MAST2: variants seen among roughly 807,000 people sequenced by gnomAD.
The protein encoded by MAST2 is microtubule-associated serine/threonine-protein kinase 2.
A neutral mutation model predicts 147.4 loss-of-function variants in MAST2; 70 were observed. The ratio of observed to expected loss-of-function variants is 0.47; its 90% CI spans 0.39 to 0.58. The LOEUF is 0.58. MAST2 is among the 20% of genes least tolerant of loss of function. MAST2 has a pLI of 0.00. For synonymous variants in MAST2, 869 were observed against 896.8 expected (o/e 0.97, Z 0.55); for missense variants, 2,080 against 2,302.3 (o/e 0.90, Z 1.98).
At chr1:45,930,361 G>A (rs2148706304) in intron 4 of MAST2, among the ~76,000 whole-genome samples, 1 of 151,412 alleles carries the variant, frequency 6.6e-6, no homozygotes, top group Admixed American at 6.6e-5. Flanking sequence ...TTACAGATGT[G>A]AGCCACCGCG....
chr1:46,029,367 CT>C (rs1646544345), intron 18 of MAST2, 98 bp from the exon 19 acceptor site: 5 of 979,318 alleles, frequency 5.1e-6, no homozygotes, highest in Non-Finnish European at 6.1e-6. Flanking sequence ...AGGCTGGGTC[CT>C]TTTTGCCTCC....
intron 4 of MAST2, among the ~76,000 whole-genome samples, chr1:45,946,954 C>CA (rs1388325668): frequency 6.6e-6 from 1 of 152,098 alleles, no homozygotes; most frequent in Admixed American, 6.6e-5. Context: ...GAAGTTAGGC[C>CA]ACATAAAATG....
At chr1:45,804,504 A>G (rs1279714123) in intron 1 of MAST2, among the ~76,000 whole-genome samples, 1 of 152,192 alleles carries the variant, frequency 6.6e-6, no homozygotes, top group African/African-American at 2.4e-5. Context: ...ACTCCCAAGC[A>G]TTCTCTGATT....
intron 3 of MAST2, among the ~76,000 whole-genome samples, chr1:45,850,126 T>C (rs1453295249): frequency 3.9e-5 from 6 of 152,196 alleles, no homozygotes; most frequent in African/African-American, 7.2e-5. Context: ...TTTTTTTGCT[T>C]TTTGATAATA....
At chr1:45,899,731 C>A (rs1360167421) in intron 4 of MAST2, among the ~76,000 whole-genome samples, 2 of 151,862 alleles carry the variant, frequency 1.3e-5, no homozygotes, top group African/African-American at 4.8e-5. Context: ...AGGTTGATTT[C>A]ATGAATTTGT....
At chr1:45,891,662 T>C (rs1427794566) in intron 4 of MAST2, among the ~76,000 whole-genome samples, 1 of 152,194 alleles carries the variant, frequency 6.6e-6, no homozygotes, top group African/African-American at 2.4e-5. Flanking sequence ...TTCCAATTTT[T>C]TTTTTTATAA....
intron 4 of MAST2, chr1:45,917,453 T>C (rs1490021304): frequency 7.3e-7 from 1 of 1,366,622 alleles, no homozygotes; most frequent in South Asian, 1.1e-5. Context: ...CTTTGGCTAC[T>C]TCTCCTCTTG....
At chr1:45,933,802 A>G (rs1413137506) in intron 4 of MAST2, among the ~76,000 whole-genome samples, 1 of 151,932 alleles carries the variant, frequency 6.6e-6, no homozygotes, top group African/African-American at 2.4e-5. Flanking sequence ...TACCCTTGAT[A>G]TATTTACTTA....
intron 4 of MAST2, among the ~76,000 whole-genome samples, chr1:45,934,029 G>A (rs971119568): frequency 6.6e-6 from 1 of 151,920 alleles, no homozygotes; most frequent in Non-Finnish European, 1.5e-5. Context: ...TGTAATGAAC[G>A]TAGTGCCCAA....
intron 5 of MAST2, among the ~76,000 whole-genome samples, chr1:45,987,777 A>ATT: frequency 0.019 from 422 of 21,740 alleles, 13 homozygotes; most frequent in African/African-American, 0.043. Context: ...TTTTTTTTTG[A>ATT]TTTTTTTTTT....
intron 5 of MAST2, among the ~76,000 whole-genome samples, chr1:45,986,360 A>C (rs143475018): frequency 2.0e-5 from 3 of 152,322 alleles, no homozygotes; most frequent in African/African-American, 7.2e-5. Context: ...AGCCAACTAG[A>C]ATTCCTGAGA....
At chr1:45,856,746 A>G (rs780924875) in intron 3 of MAST2, among the ~76,000 whole-genome samples, 1 of 152,022 alleles carries the variant, frequency 6.6e-6, no homozygotes, top group Non-Finnish European at 1.5e-5. Flanking sequence ...TCATGGAACC[A>G]TGTTTTGTAT....
intron 2 of MAST2, among the ~76,000 whole-genome samples, chr1:45,825,060 C>T (rs1186826306): frequency 6.6e-6 from 1 of 152,198 alleles, no homozygotes; most frequent in Non-Finnish European, 1.5e-5. Flanking sequence ...GAGTTTCGCT[C>T]CGTAGCCCAG....
intron 5 of MAST2, among the ~76,000 whole-genome samples, chr1:45,982,856 T>C (rs938955527): frequency 6.6e-6 from 1 of 152,076 alleles, no homozygotes; most frequent in Admixed American, 6.6e-5. Flanking sequence ...AACTGTGGGG[T>C]CTATGCTAAC....
rs755126923 is a variant in MAST2 at position 45,969,431 on chromosome 1, G to A, written c.592+9954G>A. ...CCAGGCCACACAGTAGGAGGTAAGC[G>A]TCAGACAATCAAGTGAAGCTACATT... is the stretch of plus-strand genomic sequence containing the variant. On this transcript the variant is annotated intron_variant, in intron 5 of 28. Coordinates refer to ENST00000361297, the MANE Select transcript of MAST2 (RefSeq NM_015112.3). Among the ~76,000 whole-genome samples the A allele has an allele frequency of 1.3e-4, 20 of 152,142 alleles. 1 individual carries two copies. Among genetic ancestry groups the A allele is most frequent in the Middle Eastern group, 3.2e-3 (1 of 316 alleles).
At chr1:45,994,297 T>TTTG (rs1644966031) in intron 5 of MAST2, among the ~76,000 whole-genome samples, 1 of 144,950 alleles carries the variant, frequency 6.9e-6, no homozygotes, top group African/African-American at 2.6e-5. Flanking sequence ...TTTTTTTTTT[T>TTTG]TTGAGAAGGA....
chr1:46,034,884 G>T lies in MAST2; in HGVS notation c.4215G>T (p.Val1405=). 1 of 1,614,246 alleles carries T rather than the reference G, an allele frequency of 6.2e-7. No homozygotes were observed. The highest frequency in any genetic ancestry group is 8.5e-7 in the Non-Finnish European group (1 of 1,180,046). ...CCCGTTCACCACTACTCAAGAGGGT[G>T]CAGTCGGCTGAGAAACTGGCAGCAG... ...EPPRSPLLKR[V]QSAEKLAAAL... is the part of the protein sequence containing the mutation. The change falls in exon 29 of 29, where the codon GTG becomes GTT. Residue 1405 remains valine, a synonymous_variant. Transcript: ENST00000361297.
At chr1:45,939,094 C>T (rs1656741131) in intron 4 of MAST2, among the ~76,000 whole-genome samples, 2 of 151,474 alleles carry the variant, frequency 1.3e-5, no homozygotes, top group Admixed American at 1.3e-4. Flanking sequence ...TATCTAAGAA[C>T]TTACTTGCCT....
At chr1:46,029,028 C>G in intron 18 of MAST2, 95 bp downstream of exon 18, 1 of 1,337,538 alleles carries the variant, frequency 7.5e-7, no homozygotes, top group Non-Finnish European at 1.0e-6. Context: ...AGCTCTTGTT[C>G]TGAACTCATC....
Sources: gnomAD v4.1 joint callset for allele counts (sites outside exome capture counted in the v4.1 genomes callset) on GRCh38, gnomAD v4.1.1 for gene constraint, MANE v1.5 for transcripts, NCBI Gene and HGNC (gene_info 2026-07-23, HGNC 2026-07-21) for gene names.